Variants in GRIN2B observed in about 807,000 individuals in gnomAD.
GRIN2B encodes glutamate receptor ionotropic, NMDA 2B.
GRIN2B carries 5 observed loss-of-function variants against 114.5 expected under a neutral mutation model. The ratio of observed to expected loss-of-function variants is 0.04; its 90% confidence interval spans 0.02 to 0.09. GRIN2B has a LOEUF of 0.09. Ranked by LOEUF, GRIN2B falls within the 10% of genes least tolerant of loss-of-function variation. The pLI, the probability that GRIN2B is intolerant of heterozygous loss-of-function variation, is 1.00. For synonymous variants in GRIN2B, 787 were observed against 745.1 expected (o/e 1.06, Z -0.92); for missense variants, 1,108 against 1,943.5 (o/e 0.57, Z 8.08).
chr12:13,598,140 GTCC>G (rs564745626), intron 10 of GRIN2B, among the ~76,000 whole-genome samples: 11 of 152,312 alleles, frequency 7.2e-5, no homozygotes, highest in Non-Finnish European at 1.5e-4. Flanking sequence ...CATGGCAGAT[GTCC>G]TCCTTGCCAG....
rs953228847 is a variant in GRIN2B, at chr12:13,549,713, A to G, written c.*13070T>C. The G allele has an allele frequency of 5.3e-5, 8 of 152,204 alleles. No homozygotes were observed. Among genetic ancestry groups the G allele is most frequent in the African/African-American group, 1.9e-4 (8 of 41,454 alleles). 9.4% of individuals were successfully genotyped at this position (152,204 alleles called of 1,614,324 possible). A position where few individuals can be genotyped will look rare whatever the true frequency, so the allele number is the denominator to read the frequency against. Reference sequence around the variant, plus strand: ...TAAAAAAAATTTTTAATAATAAAAAATTATTCACAATATCTTACCCTATAG... The same window carrying G: ...TAAAAAAAATTTTTAATAATAAAAAGTTATTCACAATATCTTACCCTATAG... On this transcript the variant is annotated 3_prime_UTR_variant, in exon 14 of 14. Coordinates refer to ENST00000609686, the MANE Select transcript of GRIN2B (RefSeq NM_000834.5).
At chr12:13,763,674 A>C (rs1023554355) in intron 3 of GRIN2B, among the ~76,000 whole-genome samples, 2 of 152,114 alleles carry the variant, frequency 1.3e-5, no homozygotes, top group African/African-American at 4.8e-5. Flanking sequence ...AATCCCACCA[A>C]GGGGGTTATC....
intron 2 of GRIN2B, among the ~76,000 whole-genome samples, chr12:13,923,888 C>T (rs1866868173): frequency 6.6e-6 from 1 of 152,142 alleles, no homozygotes; most frequent in Admixed American, 6.5e-5. Flanking sequence ...ACACTGTCTC[C>T]ATGACAACTC....
intron 5 of GRIN2B, among the ~76,000 whole-genome samples, chr12:13,653,982 T>C (rs914985175): frequency 1.3e-5 from 2 of 152,072 alleles, no homozygotes; most frequent in African/African-American, 4.8e-5. Flanking sequence ...TTGTCAAAAA[T>C]CACAAAAAAA....
chr12:13,710,478 C>A (rs1386771979), intron 4 of GRIN2B, among the ~76,000 whole-genome samples: 1 of 152,092 alleles, frequency 6.6e-6, no homozygotes, highest in African/African-American at 2.4e-5. Context: ...GTCTAGAAAA[C>A]CCCATCGTCT....
intron 3 of GRIN2B, among the ~76,000 whole-genome samples, chr12:13,816,986 T>C (rs372530324): frequency 6.6e-6 from 1 of 152,214 alleles, no homozygotes; most frequent in African/African-American, 2.4e-5. Context: ...TATTTTCTTT[T>C]GTCTGCCTGG....
chr12:13,747,647 G>A (rs1166545136), intron 4 of GRIN2B, among the ~76,000 whole-genome samples: 1 of 152,152 alleles, frequency 6.6e-6, no homozygotes, highest in Admixed American at 6.5e-5. Flanking sequence ...TTAATAAGAT[G>A]AAAAGCCACT....
At chr12:13,860,525 A>G (rs1206996355) in intron 3 of GRIN2B, among the ~76,000 whole-genome samples, 2 of 152,088 alleles carry the variant, frequency 1.3e-5, no homozygotes, top group African/African-American at 4.8e-5. Flanking sequence ...GGGTTTCACC[A>G]TGTTGGCCAG....
chr12:13,899,529 T>G (rs983339463), intron 2 of GRIN2B, among the ~76,000 whole-genome samples: 3 of 143,752 alleles, frequency 2.1e-5, no homozygotes, highest in Non-Finnish European at 3.2e-5. Context: ...CAGGCATTTT[T>G]GTTAGGCACA....
intron 5 of GRIN2B, among the ~76,000 whole-genome samples, chr12:13,635,263 A>T (rs1376266855): frequency 6.6e-6 from 1 of 152,168 alleles, no homozygotes; most frequent in Non-Finnish European, 1.5e-5. Context: ...AGAAGGGGAG[A>T]TGGTGAAACC....
At chr12:13,648,209 C>G (rs1020233349) in intron 5 of GRIN2B, among the ~76,000 whole-genome samples, 13 of 152,036 alleles carry the variant, frequency 8.6e-5, no homozygotes, top group Non-Finnish European at 1.9e-4. Context: ...TGCTGAATTT[C>G]TAAAGCACAG....
intron 4 of GRIN2B, among the ~76,000 whole-genome samples, chr12:13,696,199 G>A (rs1045743743): frequency 2.6e-5 from 4 of 152,166 alleles, no homozygotes; most frequent in Non-Finnish European, 5.9e-5. Flanking sequence ...GCATAATCAT[G>A]TTGCACATTG....
intron 3 of GRIN2B, among the ~76,000 whole-genome samples, chr12:13,853,774 C>T (rs1241304700): frequency 1.3e-5 from 2 of 152,230 alleles, no homozygotes; most frequent in African/African-American, 4.8e-5. Context: ...CAGAGATTAA[C>T]CTATCAGCCA....
intron 12 of GRIN2B, 134 bp from the exon 13 acceptor site, chr12:13,567,397 A>C (rs571893416): frequency 4.5e-6 from 3 of 671,816 alleles, no homozygotes; most frequent in Admixed American, 2.5e-5. Context: ...GACAAAAAGA[A>C]AGGAAATGAA....
chr12:13,606,816 G>T (rs1208195563), intron 10 of GRIN2B, among the ~76,000 whole-genome samples: 1 of 152,004 alleles, frequency 6.6e-6, no homozygotes. Flanking sequence ...GTTTAAAAAT[G>T]GGTTAATACA....
rs1458509627 is a variant in GRIN2B, at chr12:13,969,038, G to A, written c.-19+10890C>T. Among the ~76,000 whole-genome samples, 5 of 152,358 alleles carry A rather than the reference G, an allele frequency of 3.3e-5. No individual in the cohort carries two copies. In the East Asian group the frequency reaches 5.8e-4, roughly 18 times the overall value. ...GTTGAAATATATTTACAGAATGGTA[G>A]GGGTAGGCTAAGATGATGATACTCA... On this transcript the variant is annotated intron_variant, in intron 2 of 13. Coordinates refer to ENST00000609686, the MANE Select transcript of GRIN2B (RefSeq NM_000834.5).
chr12:13,929,600 G>A (rs1449750418), intron 2 of GRIN2B, among the ~76,000 whole-genome samples: 2 of 152,220 alleles, frequency 1.3e-5, no homozygotes, highest in African/African-American at 4.8e-5. Flanking sequence ...AAAGCCCTGA[G>A]TGTCTAATGG....
chr12:13,835,771 T>TAAA (rs1165005583), intron 3 of GRIN2B, among the ~76,000 whole-genome samples: 39 of 91,452 alleles, frequency 4.3e-4, no homozygotes, highest in East Asian at 9.7e-4. Flanking sequence ...CATAGCACAT[T>TAAA]AAAAAAAAAA....
chr12:13,916,020 T>A (rs541174577), intron 2 of GRIN2B, among the ~76,000 whole-genome samples: 1 of 152,200 alleles, frequency 6.6e-6, no homozygotes, highest in Non-Finnish European at 1.5e-5. Flanking sequence ...TGTAATGGTC[T>A]CTGAAGGGTC....
Sources: allele counts gnomAD v4.1 joint callset (sites outside exome capture counted in the v4.1 genomes callset), GRCh38; gene constraint gnomAD v4.1.1; transcripts MANE v1.5; gene names NCBI Gene and HGNC (gene_info 2026-07-23, HGNC 2026-07-21).